NCOR1: variants seen among roughly 807,000 people sequenced by gnomAD.
The protein encoded by NCOR1 is nuclear receptor corepressor 1.
NCOR1 carries 63 observed loss-of-function variants against 288.1 expected under a neutral mutation model. That is an observed-to-expected ratio of 0.22 (90% CI 0.18 to 0.27). The LOEUF (loss-of-function observed/expected upper bound fraction) is 0.27, where lower values mean the gene tolerates loss of function less well. Among genes scored for constraint, NCOR1 ranks in the 10% least tolerant of loss-of-function variants. The pLI is 1.00. For synonymous variants in NCOR1, 1,007 were observed against 1,065.9 expected (o/e 0.94, Z 1.08); for missense variants, 2,397 against 3,019.2 (o/e 0.79, Z 4.83).
rs1298505160 is a variant in NCOR1 at position 16,067,898 on chromosome 17, A to G, written c.4737T>C (p.Asp1579=). 3.1e-6 allele frequency: 5 copies of G among 1,612,898 alleles called. No homozygotes were observed. The highest frequency in any genetic ancestry group is 1.7e-5 in the Admixed American group (1 of 59,876). ...ATCACTATATTTTGTGTTTACCAGG[A>G]TCCAAAGCCCTGTGAAAAGGCATGG... ...DPAMPFHRAL[D]PAAAAYLFQR... The change falls in exon 32 of 46, where the codon GAT becomes GAC. Residue 1579 remains aspartate (D), a synonymous_variant. Transcript: ENST00000268712.
chr17:16,100,781 A>T (rs181420064), intron 20 of NCOR1, among the ~76,000 whole-genome samples: 1 of 152,334 alleles, frequency 6.6e-6, no homozygotes, highest in Admixed American at 6.5e-5. Flanking sequence ...CTTTCTAAAA[A>T]TTTTCAGAAC....
chr17:16,170,383 A>G (rs2082903133), intron 4 of NCOR1, among the ~76,000 whole-genome samples: 1 of 152,050 alleles, frequency 6.6e-6, no homozygotes, highest in Admixed American at 6.6e-5. Context: ...AGACACTGGG[A>G]AAAATATTAG....
chr17:16,126,473 G>A (rs936732705), intron 14 of NCOR1, among the ~76,000 whole-genome samples: 3 of 151,838 alleles, frequency 2.0e-5, no homozygotes, highest in South Asian at 2.1e-4. Context: ...GGAAATCTGG[G>A]GTTGGTTCCC....
chr17:16,211,191 C>G (rs116307132), intron 1 of NCOR1, among the ~76,000 whole-genome samples: 1,693 of 152,088 alleles, frequency 0.011, 37 homozygotes, highest in African/African-American at 0.038. Flanking sequence ...TCAGTGTTAT[C>G]GAAAGTAAAA....
chr17:16,064,737 A>C (rs769719294), intron 34 of NCOR1, 133 bp downstream of exon 34: 6 of 799,652 alleles, frequency 7.5e-6, no homozygotes, highest in Non-Finnish European at 1.1e-5. Context: ...GCACATAAGA[A>C]CTACTATTAA....
intron 14 of NCOR1, among the ~76,000 whole-genome samples, chr17:16,134,312 C>T (rs9897388): frequency 2.0e-5 from 3 of 152,082 alleles, no homozygotes; most frequent in South Asian, 2.1e-4. Flanking sequence ...CCAAATTCCC[C>T]GTGAAACAAC....
chr17:16,152,091 G>GCGACC, intron 7 of NCOR1, 93 bp from the exon 8 acceptor site: 1 of 787,230 alleles, frequency 1.3e-6, no homozygotes, highest in Non-Finnish European at 2.0e-6. Context: ...CACAGGTAAA[G>GCGACC]TACTAATGGA....
chr17:16,093,411 C>T (rs957990097), intron 21 of NCOR1, among the ~76,000 whole-genome samples: 4 of 152,152 alleles, frequency 2.6e-5, no homozygotes, highest in Non-Finnish European at 5.9e-5. Context: ...CTCATTGAGG[C>T]CTGTTCACTG....
At chr17:16,101,199 G>C in intron 20 of NCOR1, 51 bp downstream of exon 20, 1 of 1,517,892 alleles carries the variant, frequency 6.6e-7, no homozygotes, top group South Asian at 1.3e-5. Context: ...CTGTGATTCA[G>C]TCACCAACCA....
chr17:16,080,530 A>G (rs2063232334), intron 24 of NCOR1, 21 bp from the exon 25 acceptor site: 1 of 1,535,778 alleles, frequency 6.5e-7, no homozygotes, highest in Non-Finnish European at 9.0e-7. Context: ...GCAGAGAAAC[A>G]TGAAACAATC....
intron 3 of NCOR1, among the ~76,000 whole-genome samples, chr17:16,176,305 G>T (rs2084177694): frequency 1.3e-5 from 2 of 152,134 alleles, no homozygotes; most frequent in South Asian, 4.1e-4. Context: ...GTGTCACTCT[G>T]TCTCCCAGGC....
chr17:16,092,418 C>G (rs1377216049), intron 21 of NCOR1, among the ~76,000 whole-genome samples: 4 of 151,800 alleles, frequency 2.6e-5, no homozygotes, highest in African/African-American at 9.7e-5. Context: ...GCCTGGGAGG[C>G]AGAGGTTGCA....
chr17:16,114,157 A>C lies in NCOR1; in HGVS notation c.2055+3731T>G, dbSNP rs866648795. Among the ~76,000 whole-genome samples the C allele has an allele frequency of 8.8e-5, 12 of 136,420 alleles. 2 individuals carry two copies. The highest frequency in any genetic ancestry group is 4.2e-4 in the East Asian group (2 of 4,708). 89.5% of individuals were successfully genotyped at this position (136,420 alleles called of 152,430 possible). Reference sequence around the variant, plus strand: ...ATGGCGGCAGGCAAAAAAAAAAAAAAAAAAAAAAAAAACTTGTGCAGGGGA... The same window carrying C: ...ATGGCGGCAGGCAAAAAAAAAAAAACAAAAAAAAAAAACTTGTGCAGGGGA... On this transcript the variant is annotated intron_variant, in intron 18 of 45. Transcript: ENST00000268712.
chr17:16,063,441 C>T lies in NCOR1; in HGVS notation c.5221+627G>A, dbSNP rs140402771. On this transcript the variant is annotated intron_variant, in intron 35 of 45. Coordinates refer to ENST00000268712, the MANE Select transcript of NCOR1 (RefSeq NM_006311.4). ...CAAGCAATCCTCCTGCCTTGGCCTC[C>T]TGAGTAGCTGGGATTATAGGCATGA... is the stretch of plus-strand genomic sequence containing the variant. Among the ~76,000 whole-genome samples, 928 of 152,258 alleles carry T rather than the reference C, an allele frequency of 6.1e-3. 16 individuals are homozygous for T. The highest frequency in any genetic ancestry group is 0.021 in the African/African-American group (861 of 41,550).
At chr17:16,075,397 A>C (rs1392538619) in intron 27 of NCOR1, 137 bp downstream of exon 27, 1 of 907,986 alleles carries the variant, frequency 1.1e-6, no homozygotes, top group African/African-American at 1.7e-5. Context: ...AAGTATTACT[A>C]ACCCCATTTA....
intron 5 of NCOR1, among the ~76,000 whole-genome samples, chr17:16,160,744 A>G (rs2080675740): frequency 6.6e-6 from 1 of 152,154 alleles, no homozygotes; most frequent in South Asian, 2.1e-4. Flanking sequence ...GTGAGCCAAG[A>G]TCGCACCATT....
intron 21 of NCOR1, among the ~76,000 whole-genome samples, chr17:16,095,138 G>A (rs182293462): frequency 1.2e-4 from 18 of 151,172 alleles, no homozygotes; most frequent in Non-Finnish European, 1.8e-4. Context: ...CTTCCCGGCC[G>A]CCATCCCATC....
At chr17:16,129,874 C>T (rs1372818746) in intron 14 of NCOR1, among the ~76,000 whole-genome samples, 1 of 152,218 alleles carries the variant, frequency 6.6e-6, no homozygotes, top group Admixed American at 6.5e-5. Flanking sequence ...TTTTCTGCTT[C>T]TAATGCCAAT....
intron 1 of NCOR1, among the ~76,000 whole-genome samples, chr17:16,207,696 G>A (rs1370883130): frequency 1.4e-5 from 2 of 146,942 alleles, no homozygotes; most frequent in African/African-American, 2.5e-5. Flanking sequence ...AGCCGAGACC[G>A]CGCCACTGCA....
Sources: gnomAD v4.1 joint callset for allele counts (sites outside exome capture counted in the v4.1 genomes callset) on GRCh38, gnomAD v4.1.1 for gene constraint, MANE v1.5 for transcripts, NCBI Gene and HGNC (gene_info 2026-07-23, HGNC 2026-07-21) for gene names.